TECTA: variants seen among roughly 807,000 people sequenced by gnomAD.
The protein encoded by TECTA is tectorin alpha, also known as alpha-tectorin.
In TECTA, 128 loss-of-function variants were observed where a neutral mutation model predicts 216.8. The observed-to-expected ratio is 0.59, with a 90% CI of 0.51 to 0.68. TECTA has a LOEUF of 0.68. Ranked by LOEUF, TECTA falls within the 30% of genes least tolerant of loss-of-function variation. The pLI, the probability that TECTA is intolerant of heterozygous loss-of-function variation, is 0.00. For synonymous variants in TECTA, 1,089 were observed against 1,117.1 expected, an observed-to-expected ratio of 0.97 and a Z score of 0.50; for missense variants, 2,551 against 2,786.2, an observed-to-expected ratio of 0.92 and a Z score of 1.90.
At chr11:121,181,795 G>A (rs1278505896) in intron 20 of TECTA, among the ~76,000 whole-genome samples, 2 of 152,096 alleles carry the variant, frequency 1.3e-5, no homozygotes, top group Non-Finnish European at 2.9e-5. Flanking sequence ...TTCTTATTGT[G>A]TCCTTGCTTT....
intron 20 of TECTA, among the ~76,000 whole-genome samples, chr11:121,181,450 A>AATTATTATTATT (rs60183386): frequency 0.15 from 21,775 of 148,022 alleles, 1,806 homozygotes; most frequent in Non-Finnish European, 0.19. Flanking sequence ...GTTGCTGGAG[A>AATTATTATTATT]ATTATTATTA....
At position 121,105,448 on chromosome 11, in the gene TECTA, T is replaced by C. The variant is rs534925560; in HGVS notation, c.65-383T>C. On this transcript the variant is annotated intron_variant, in intron 2 of 23. Coordinates refer to ENST00000392793, the MANE Select transcript of TECTA (RefSeq NM_005422.4). The surrounding 1 kb of genome is among the most constrained non-coding windows in gnomAD (Gnocchi z 5.3). ...ACACACGATAGTGGAATTCTTGAGC[T>C]AGAACAGGAGCTTCAAAACTGTGGC... 2.6e-5 allele frequency among the ~76,000 whole-genome samples: 4 copies of C among 152,350 alleles called. No individual in the cohort carries two copies. Among genetic ancestry groups the C allele is most frequent in the African/African-American group, 9.6e-5 (4 of 41,592 alleles).
chr11:121,187,217 A>G (rs1947296632), intron 20 of TECTA, among the ~76,000 whole-genome samples: 1 of 152,204 alleles, frequency 6.6e-6, no homozygotes, highest in Admixed American at 6.5e-5. Context: ...TTGGGGAACT[A>G]TACATAATTG....
At chr11:121,189,408 C>T (rs1241606319) in intron 22 of TECTA, among the ~76,000 whole-genome samples, 1 of 149,830 alleles carries the variant, frequency 6.7e-6, no homozygotes, top group Non-Finnish European at 1.5e-5. Context: ...GAGTCTTTCT[C>T]TGTCGCCCAA....
chr11:121,113,583 T>C lies in TECTA; in HGVS notation c.655T>C (p.Phe219Leu). The C allele has an allele frequency of 6.2e-7, 1 of 1,614,028 alleles. No homozygotes were observed. ...AGFNGGNLTN[F>L]FSLPGSRTPE... ...ATTTAATGGTGGAAACCTCACCAAT[T>C]TCTTCAGCCTCCCGGGGTCAAGAAC... Residue 219 changes from phenylalanine (F) to leucine (L), a missense_variant, in exon 6 of 24, where the codon TTC becomes CTC. Phe to Leu is a conservative substitution (Grantham distance 22). Around this residue, in one of 3 missense-constraint regions of TECTA, gnomAD observed 2,375 missense variants for 2,563.9 expected, o/e 0.93. Coordinates refer to ENST00000392793, the MANE Select transcript of TECTA (RefSeq NM_005422.4). The surrounding 1 kb of genome is among the most constrained non-coding windows in gnomAD (Gnocchi z 4.2).
In TECTA at chr11:121,127,736, C is replaced by A; in HGVS notation, c.1775-16C>A. On this transcript the variant is annotated splice_polypyrimidine_tract_variant and intron_variant, in intron 8 of 23. Transcript: ENST00000392793. The surrounding 1 kb of genome is among the most constrained non-coding windows in gnomAD (Gnocchi z 5.0). ...CATTCACCTTGTTATCGGCTCTCTT[C>A]CTTTCCCCGCGTCAGTGTCCACAGT... The A allele has an allele frequency of 6.2e-7, 1 of 1,613,902 alleles. No individual in the cohort carries two copies. Among genetic ancestry groups the A allele is most frequent in the Non-Finnish European group, 8.5e-7 (1 of 1,179,822 alleles).
At chr11:121,142,757 C>G (rs1047966084) in intron 11 of TECTA, among the ~76,000 whole-genome samples, 1 of 152,192 alleles carries the variant, frequency 6.6e-6, no homozygotes, top group Non-Finnish European at 1.5e-5. Flanking sequence ...ATGACTGTCA[C>G]TGCACCTCTC....
At position 121,165,454 on chromosome 11, in the gene TECTA, A is replaced by G; in HGVS notation, c.5383+71A>G. On this transcript the variant is annotated intron_variant, in intron 17 of 23. Transcript: ENST00000392793. The stretch of plus-strand genomic sequence containing the variant: ...GATGCTGCTCTGGGGAACGACCTTG[A>G]TGCATCCCACTTTGTGAAGCTTTCC... The G allele has an allele frequency of 3.1e-6, 4 of 1,271,658 alleles. No individual in the cohort carries two copies. In the South Asian group the frequency reaches 4.0e-5, roughly 13 times the overall value. 78.8% of individuals were successfully genotyped at this position (1,271,658 alleles called of 1,614,324 possible). A position where few individuals can be genotyped will look rare whatever the true frequency, so the allele number is the denominator to read the frequency against.
At chr11:121,114,273 G>A (rs541903402) in intron 6 of TECTA, among the ~76,000 whole-genome samples, 10 of 152,306 alleles carry the variant, frequency 6.6e-5, no homozygotes, top group African/African-American at 1.9e-4. Context: ...AATTTGAGGA[G>A]AATCAAAGCT....
intron 13 of TECTA, among the ~76,000 whole-genome samples, chr11:121,155,769 T>C: frequency 6.6e-6 from 1 of 152,222 alleles, no homozygotes; most frequent in East Asian, 1.9e-4. Context: ...TATTTATTGG[T>C]ACCACATCCC....
At position 121,168,227 on chromosome 11, in the gene TECTA, C is replaced by T. The variant is rs1254073877; in HGVS notation, c.5750+10C>T. On this transcript the variant is annotated intron_variant, in intron 19 of 23. Transcript: ENST00000392793. ...TGAAGCCTATGCTAAGGTAAGGTGT[C>T]TCCTGGGCTGTGCACATTGCTTTTT... 1 of 1,614,130 alleles carries T rather than the reference C, an allele frequency of 6.2e-7. No individual in the cohort carries two copies. Among genetic ancestry groups the T allele is most frequent in the Admixed American group, 1.7e-5 (1 of 60,028 alleles).
At chr11:121,144,648 G>A (rs940547286) in intron 11 of TECTA, among the ~76,000 whole-genome samples, 7 of 152,210 alleles carry the variant, frequency 4.6e-5, no homozygotes, top group African/African-American at 1.7e-4. Flanking sequence ...CAAGGGCAGT[G>A]CAGTCCTGGA....
At position 121,183,733 on chromosome 11, in the gene TECTA, AT is replaced by A. The variant is rs542643753; in HGVS notation, c.6000-4098del. ...AGAGCAAGACTCCATCTCAAAAAAA[AT>A]AATTCTTTATTCTGTTTGATCTAGC... On this transcript the variant is annotated intron_variant, in intron 20 of 23. Transcript: ENST00000392793. Among the ~76,000 whole-genome samples, 383 of 152,342 alleles carry A rather than the reference AT, an allele frequency of 2.5e-3. 1 individual carries two copies. The highest frequency in any genetic ancestry group is 3.7e-3 in the Non-Finnish European group (251 of 68,030).
At chr11:121,153,977 T>C (rs1040330316) in intron 13 of TECTA, among the ~76,000 whole-genome samples, 1 of 152,106 alleles carries the variant, frequency 6.6e-6, no homozygotes, top group African/African-American at 2.4e-5. Flanking sequence ...GTGCTGGTGG[T>C]ATTGTGGGGG....
At chr11:121,128,458 G>A (rs1946639099) in intron 9 of TECTA, 114 bp downstream of exon 9, 1 of 979,968 alleles carries the variant, frequency 1.0e-6, no homozygotes, top group African/African-American at 1.6e-5. Context: ...ATTTTAGAAA[G>A]AAGATGGCTC....
Position 121,135,370 on chromosome 11 carries a change from C to T in TECTA, c.2942-2051C>T, listed in dbSNP as rs1040754337. Among the ~76,000 whole-genome samples, 5 of 152,190 alleles carry T rather than the reference C, an allele frequency of 3.3e-5. No homozygotes were observed. In the East Asian group the frequency reaches 9.6e-4, roughly 29 times the overall value. ...CGTCTGTGTGTTCCAGACTTTCAGACAAATTCAGACAACACAATAAGTCAT... is the reference window on the plus strand; with the variant it reads ...CGTCTGTGTGTTCCAGACTTTCAGATAAATTCAGACAACACAATAAGTCAT... On this transcript the variant is annotated intron_variant, in intron 10 of 23. Transcript: ENST00000392793.
At chr11:121,103,535 C>T (rs189345153) in intron 2 of TECTA, among the ~76,000 whole-genome samples, 76 of 152,098 alleles carry the variant, frequency 5.0e-4, no homozygotes, top group African/African-American at 1.8e-3. Context: ...GGGCCCTTGA[C>T]TTCAACCTCC....
At chr11:121,104,295 T>C (rs1205010820) in intron 2 of TECTA, among the ~76,000 whole-genome samples, 1 of 152,156 alleles carries the variant, frequency 6.6e-6, no homozygotes, top group Non-Finnish European at 1.5e-5. Flanking sequence ...GTTACTATTA[T>C]GTAAATAGAA....
At chr11:121,158,944 G>A (rs1946971785) in intron 14 of TECTA, among the ~76,000 whole-genome samples, 1 of 152,062 alleles carries the variant, frequency 6.6e-6, no homozygotes, top group South Asian at 2.1e-4. Context: ...CACTGTTGAC[G>A]GTGACCCAGC....
Sources: gnomAD v4.1 joint callset for allele counts (sites outside exome capture counted in the v4.1 genomes callset) on GRCh38, gnomAD v4.1.1 for gene constraint, gnomAD v4.1.1 regional missense constraint, Gnocchi (gnomAD v3.1) non-coding constraint, MANE v1.5 for transcripts, NCBI Gene and HGNC (gene_info 2026-07-23, HGNC 2026-07-21) for gene names.